Variants in GRIK1 observed in about 807,000 individuals in gnomAD.
The protein encoded by GRIK1 is glutamate ionotropic receptor kainate type subunit 1.
In GRIK1, 69 loss-of-function variants were observed where a neutral mutation model predicts 105.7. The observed-to-expected ratio is 0.65, with a 90% CI of 0.54 to 0.80. The LOEUF (loss-of-function observed/expected upper bound fraction) is 0.80. Among genes scored for constraint, GRIK1 ranks in the 30% least tolerant of loss-of-function variants. The pLI is 0.00. For synonymous variants in GRIK1, 438 were observed against 431.3 expected (o/e 1.02, Z -0.19); for missense variants, 1,109 against 1,167.3 (o/e 0.95, Z 0.73).
chr21:29,547,496 C>T (rs1013996098), intron 16 of GRIK1, among the ~76,000 whole-genome samples: 1 of 152,200 alleles, frequency 6.6e-6, no homozygotes, highest in African/African-American at 2.4e-5. Flanking sequence ...CCTCCTCATT[C>T]CACAGATGAA....
At chr21:29,560,570 T>TTCTTTCTC (rs1415601509) in intron 15 of GRIK1, among the ~76,000 whole-genome samples, 2 of 124,768 alleles carry the variant, frequency 1.6e-5, no homozygotes, top group Non-Finnish European at 3.1e-5. Flanking sequence ...CTTTCTTTCT[T>TTCTTTCTC]TCTTTCTCTC....
intron 1 of GRIK1, among the ~76,000 whole-genome samples, chr21:29,781,769 C>G (rs2066114416): frequency 7.3e-6 from 1 of 137,676 alleles, no homozygotes; most frequent in Non-Finnish European, 1.6e-5. Context: ...TTCCCGGGTT[C>G]ACGCCATTCT....
intron 1 of GRIK1, among the ~76,000 whole-genome samples, chr21:29,732,737 A>G (rs2064668783): frequency 1.3e-5 from 2 of 152,140 alleles, no homozygotes; most frequent in African/African-American, 4.8e-5. Context: ...CTAGTAGTGG[A>G]ATAGGGTTAG....
chr21:29,559,768 G>C (rs749012335), intron 15 of GRIK1, among the ~76,000 whole-genome samples: 113 of 152,200 alleles, frequency 7.4e-4, no homozygotes, highest in Non-Finnish European at 1.4e-3. Flanking sequence ...TAATGAATTT[G>C]TTGCTAAATA....
chr21:29,560,281 T>TTCTC (rs1555835083), intron 15 of GRIK1, among the ~76,000 whole-genome samples: 1 of 40,212 alleles, frequency 2.5e-5, no homozygotes, highest in Non-Finnish European at 5.1e-5. Context: ...TGATACAGTT[T>TTCTC]TCTTTCTTTC....
chr21:29,931,552 A>G (rs560949980), intron 1 of GRIK1, among the ~76,000 whole-genome samples: 1 of 152,212 alleles, frequency 6.6e-6, no homozygotes, highest in Non-Finnish European at 1.5e-5. Context: ...TATTCTCCCT[A>G]CTTATTTATT....
chr21:29,555,316 C>T lies in GRIK1; in HGVS notation c.2357-14G>A, dbSNP rs2090224373. On this transcript the variant is annotated splice_polypyrimidine_tract_variant and intron_variant, in intron 15 of 17. Transcript: ENST00000327783. ...GGTAAGGAGAACCTGGAAGTAAAAC[C>T]ATCTGGATATTGGTCACCAAAATGT... 1 of 1,609,172 alleles carries T rather than the reference C, an allele frequency of 6.2e-7. No homozygotes were observed. Among genetic ancestry groups the T allele is most frequent in the Admixed American group, 1.7e-5 (1 of 59,894 alleles).
chr21:29,846,954 G>T (rs578162631), intron 1 of GRIK1, among the ~76,000 whole-genome samples: 1 of 152,232 alleles, frequency 6.6e-6, no homozygotes, highest in East Asian at 1.9e-4. Context: ...CACATGTCAA[G>T]ATTTCATATA....
At chr21:29,733,106 C>T (rs536990309) in intron 1 of GRIK1, among the ~76,000 whole-genome samples, 1 of 152,170 alleles carries the variant, frequency 6.6e-6, no homozygotes, top group African/African-American at 2.4e-5. Flanking sequence ...TTCCTTGGGG[C>T]CTTGCTACTA....
At chr21:29,766,181 C>T (rs2145716256) in intron 1 of GRIK1, among the ~76,000 whole-genome samples, 1 of 152,176 alleles carries the variant, frequency 6.6e-6, no homozygotes, top group East Asian at 1.9e-4. Context: ...TCAGTATGTT[C>T]TTGGCATATC....
rs541836224 is a variant in GRIK1 at position 29,692,700 on chromosome 21, T to C, written c.286+1196A>G. 1.5e-4 allele frequency among the ~76,000 whole-genome samples: 23 copies of C among 152,260 alleles called. No individual in the cohort carries two copies. The South Asian group carries it at 4.6e-3, about 30-fold the overall frequency. On this transcript the variant is annotated intron_variant, in intron 2 of 17. Transcript: ENST00000327783. Reference sequence around the variant, plus strand: ...ACTATTCTCCTGCCTCAGCCTGTGGTAGCTGGGACCACAGGCACCTGCCAC... The same window carrying C: ...ACTATTCTCCTGCCTCAGCCTGTGGCAGCTGGGACCACAGGCACCTGCCAC...
intron 1 of GRIK1, among the ~76,000 whole-genome samples, chr21:29,938,885 G>A (rs1602100959): frequency 6.6e-6 from 1 of 152,216 alleles, no homozygotes; most frequent in South Asian, 2.1e-4. Context: ...AGGCTCTGGG[G>A]TAACAGGCTC....
intron 1 of GRIK1, among the ~76,000 whole-genome samples, chr21:29,901,840 GA>G (rs1051006846): frequency 6.6e-6 from 1 of 150,986 alleles, no homozygotes; most frequent in East Asian, 1.9e-4. Flanking sequence ...AGAGACACAA[GA>G]AAAAAAAGGA....
At chr21:29,863,746 G>A (rs1229764774) in intron 1 of GRIK1, among the ~76,000 whole-genome samples, 1 of 152,128 alleles carries the variant, frequency 6.6e-6, no homozygotes, top group Admixed American at 6.5e-5. Context: ...GTGGAGGAAT[G>A]TAATAAACTA....
At chr21:29,606,992 G>A (rs751326034) in intron 7 of GRIK1, among the ~76,000 whole-genome samples, 1 of 152,130 alleles carries the variant, frequency 6.6e-6, no homozygotes, top group South Asian at 2.1e-4. Context: ...GTGTCTCCTC[G>A]TTTGGGTCAT....
intron 1 of GRIK1, among the ~76,000 whole-genome samples, chr21:29,745,914 T>C (rs1332089729): frequency 2.6e-5 from 4 of 152,070 alleles, no homozygotes; most frequent in Non-Finnish European, 5.9e-5. Flanking sequence ...CCATCCTGGC[T>C]AACACAGTGA....
chr21:29,846,020 T>G (rs2068100681), intron 1 of GRIK1, among the ~76,000 whole-genome samples: 1 of 152,204 alleles, frequency 6.6e-6, no homozygotes. Flanking sequence ...CACTACTTCC[T>G]GTTTTTTTCC....
chr21:29,568,893 T>C (rs930275587), intron 14 of GRIK1, among the ~76,000 whole-genome samples: 71 of 152,360 alleles, frequency 4.7e-4, no homozygotes, highest in African/African-American at 1.4e-3. Flanking sequence ...AAAATATCAA[T>C]TGAGCTGAAT....
chr21:29,883,154 T>A (rs2069485738), intron 1 of GRIK1, among the ~76,000 whole-genome samples: 1 of 152,110 alleles, frequency 6.6e-6, no homozygotes, highest in Non-Finnish European at 1.5e-5. Flanking sequence ...GAAGGTAACT[T>A]AACCCATTTA....
Sources: allele counts gnomAD v4.1 joint callset (sites outside exome capture counted in the v4.1 genomes callset), GRCh38; gene constraint gnomAD v4.1.1; transcripts MANE v1.5; gene names NCBI Gene and HGNC (gene_info 2026-07-23, HGNC 2026-07-21).